NBEA: variants seen among roughly 807,000 people sequenced by gnomAD.
NBEA encodes the protein lysosomal-trafficking regulator 2.
Under a neutral mutation model 343.4 loss-of-function variants are expected in NBEA, and 44 were observed. That is an observed-to-expected ratio of 0.13 (90% CI 0.10 to 0.16). NBEA has a LOEUF of 0.16. Ranked by LOEUF, NBEA falls within the 10% of genes least tolerant of loss-of-function variation. NBEA has a pLI of 1.00. For synonymous variants in NBEA, 1,175 were observed against 1,238.7 expected (o/e 0.95, Z 1.08); for missense variants, 2,555 against 3,631.3 (o/e 0.70, Z 7.62).
At chr13:35,336,107 AAC>A (rs1212006590) in intron 36 of NBEA, among the ~76,000 whole-genome samples, 2 of 152,132 alleles carry the variant, frequency 1.3e-5, no homozygotes, top group Non-Finnish European at 2.9e-5. Context: ...AAGGTAATGA[AAC>A]ACAGATTTCA....
chr13:35,427,546 G>A (rs1267123077), intron 38 of NBEA, among the ~76,000 whole-genome samples: 1 of 152,090 alleles, frequency 6.6e-6, no homozygotes, highest in Non-Finnish European at 1.5e-5. Flanking sequence ...CGCCCCTACT[G>A]GGGGGTGCCT....
chr13:35,614,503 G>T (rs888321288), intron 48 of NBEA, among the ~76,000 whole-genome samples: 17 of 152,258 alleles, frequency 1.1e-4, no homozygotes, highest in South Asian at 6.2e-4. Context: ...ATAATTCATT[G>T]TATCAAGCCC....
At chr13:34,954,559 A>C (rs2059436925) in intron 1 of NBEA, among the ~76,000 whole-genome samples, 1 of 151,890 alleles carries the variant, frequency 6.6e-6, no homozygotes, top group Admixed American at 6.6e-5. Context: ...TTCAGTTTTT[A>C]TTTTTGAGTG....
chr13:35,006,517 T>G (rs2061323626), intron 1 of NBEA, among the ~76,000 whole-genome samples: 1 of 150,600 alleles, frequency 6.6e-6, no homozygotes, highest in South Asian at 2.1e-4. Context: ...AAATATGTAT[T>G]TAGATTTATC....
chr13:35,403,932 G>A (rs2043124244), intron 38 of NBEA, among the ~76,000 whole-genome samples: 2 of 152,138 alleles, frequency 1.3e-5, no homozygotes, highest in Non-Finnish European at 2.9e-5. Context: ...CCATCAAAAA[G>A]TGGGCGAAGG....
intron 33 of NBEA, among the ~76,000 whole-genome samples, chr13:35,226,480 T>C (rs1290431879): frequency 1.1e-4 from 17 of 152,084 alleles, no homozygotes; most frequent in Non-Finnish European, 2.5e-4. Flanking sequence ...ATACGAAATA[T>C]TGTATTTAGG....
At chr13:35,161,058 T>G (rs1464631545) in intron 22 of NBEA, among the ~76,000 whole-genome samples, 1 of 152,180 alleles carries the variant, frequency 6.6e-6, no homozygotes, top group Non-Finnish European at 1.5e-5. Flanking sequence ...TTTTTATTTT[T>G]TCTCTAACTG....
chr13:35,128,860 T>C lies in NBEA; in HGVS notation c.2336+5286T>C, dbSNP rs180995799. Among the ~76,000 whole-genome samples, 6 of 152,214 alleles carry C rather than the reference T, an allele frequency of 3.9e-5. No homozygotes were observed. The East Asian group carries it at 7.7e-4, about 20-fold the overall frequency. Reference sequence around the variant, plus strand: ...TAGAGCACCAATGATAATATTCTGCTCTTTTAGCTGATGATTTTTTAACCC... The same window carrying C: ...TAGAGCACCAATGATAATATTCTGCCCTTTTAGCTGATGATTTTTTAACCC... On this transcript the variant is annotated intron_variant, in intron 17 of 58. Transcript: ENST00000379939.
At chr13:35,554,242 G>A (rs566774858) in intron 43 of NBEA, among the ~76,000 whole-genome samples, 12 of 152,282 alleles carry the variant, frequency 7.9e-5, no homozygotes, top group East Asian at 3.9e-4. Context: ...GGAGCACTAT[G>A]AAAAATTATG....
chr13:35,662,405 C>T (rs1006219674), intron 55 of NBEA, among the ~76,000 whole-genome samples: 5 of 152,304 alleles, frequency 3.3e-5, no homozygotes, highest in Admixed American at 1.3e-4. Context: ...GGGCTACATC[C>T]ATCAACTGTG....
chr13:35,655,214 T>C (rs750326339), intron 54 of NBEA, among the ~76,000 whole-genome samples: 10 of 152,216 alleles, frequency 6.6e-5, no homozygotes, highest in Non-Finnish European at 7.3e-5. Context: ...CCAGAATTCA[T>C]AGGACAAATG....
chr13:35,153,174 A>G (rs1269168619), intron 18 of NBEA, among the ~76,000 whole-genome samples: 1 of 151,406 alleles, frequency 6.6e-6, no homozygotes, highest in South Asian at 2.1e-4. Context: ...CTGGGACTAC[A>G]GGTGCCTGCC....
chr13:34,983,602 C>G (rs1246218739), intron 1 of NBEA, among the ~76,000 whole-genome samples: 2 of 152,204 alleles, frequency 1.3e-5, no homozygotes, highest in African/African-American at 2.4e-5. Flanking sequence ...GCCACACTGT[C>G]TTCCACAATG....
At chr13:35,617,223 G>T (rs77424836) in intron 48 of NBEA, among the ~76,000 whole-genome samples, 9,795 of 152,252 alleles carry the variant, frequency 0.064, 359 homozygotes, top group South Asian at 0.1. Flanking sequence ...CCAAATTCCT[G>T]TTATTTCATC....
intron 11 of NBEA, among the ~76,000 whole-genome samples, chr13:35,106,767 G>A (rs1240725205): frequency 4.6e-5 from 7 of 151,110 alleles, no homozygotes; most frequent in Admixed American, 2.0e-4. Flanking sequence ...GGCCCCCTCC[G>A]CCTTTTTTTT....
At chr13:35,003,010 GATA>G (rs1421484779) in intron 1 of NBEA, among the ~76,000 whole-genome samples, 1 of 152,092 alleles carries the variant, frequency 6.6e-6, no homozygotes, top group African/African-American at 2.4e-5. Context: ...ATAGAACAGG[GATA>G]ATAAGAGAGC....
chr13:35,353,176 C>T (rs2040286697), intron 38 of NBEA, among the ~76,000 whole-genome samples: 1 of 152,136 alleles, frequency 6.6e-6, no homozygotes, highest in Non-Finnish European at 1.5e-5. Flanking sequence ...TGGCTCACGC[C>T]TGTAATCCCA....
chr13:35,214,108 C>T (rs2073936926), intron 33 of NBEA, among the ~76,000 whole-genome samples: 1 of 151,726 alleles, frequency 6.6e-6, no homozygotes, highest in South Asian at 2.1e-4. Context: ...TAGGTATTAT[C>T]CCATTATATG....
intron 55 of NBEA, among the ~76,000 whole-genome samples, chr13:35,661,404 G>T (rs2085083608): frequency 6.6e-6 from 1 of 152,204 alleles, no homozygotes; most frequent in Admixed American, 6.5e-5. Context: ...AGAGGAAAAA[G>T]AAGTTAGAAT....
Sources: gnomAD v4.1 joint callset for allele counts (sites outside exome capture counted in the v4.1 genomes callset) on GRCh38, gnomAD v4.1.1 for gene constraint, MANE v1.5 for transcripts, NCBI Gene and HGNC (gene_info 2026-07-23, HGNC 2026-07-21) for gene names.